The following CACNA1A variants were observed in gnomAD, a reference collection of about 807,000 sequenced individuals.
CACNA1A encodes the protein calcium voltage-gated channel subunit alpha1 A.
A neutral mutation model predicts 262.4 loss-of-function variants in CACNA1A; 57 were observed. The ratio of observed to expected loss-of-function variants is 0.22; its 90% confidence interval spans 0.18 to 0.27. The LOEUF (loss-of-function observed/expected upper bound fraction) is 0.27, where lower values mean the gene tolerates loss of function less well. Among genes scored for constraint, CACNA1A ranks in the 10% least tolerant of loss-of-function variants. The pLI is 1.00. For missense variants in CACNA1A, 2,526 were observed against 3,562.8 expected (o/e 0.71, Z 7.41); for synonymous variants, 1,431 against 1,419.3 (o/e 1.01, Z -0.18).
chr19:13,341,809 C>T (rs1485654417), intron 6 of CACNA1A, among the ~76,000 whole-genome samples: 1 of 152,136 alleles, frequency 6.6e-6, no homozygotes, highest in East Asian at 1.9e-4. Context: ...ACTTATTTCT[C>T]TTGTTCTCTC....
intron 1 of CACNA1A, among the ~76,000 whole-genome samples, chr19:13,457,217 ACTCC>A (rs1404343198): frequency 2.6e-5 from 4 of 152,060 alleles, no homozygotes; most frequent in African/African-American, 4.8e-5. Flanking sequence ...GCACCACTGC[ACTCC>A]AGCCTGGGCA....
chr19:13,253,143 G>C (rs1439511736), intron 29 of CACNA1A, 42 bp from the exon 30 acceptor site: 1 of 1,307,598 alleles, frequency 7.6e-7, no homozygotes, highest in Admixed American at 1.7e-5. Flanking sequence ...AGCGAGCAGG[G>C]GTGGGAAGTG....
Position 13,253,106 on chromosome 19 carries a change from G to A in CACNA1A, c.4756-5C>T. The A allele has an allele frequency of 6.2e-7, 1 of 1,600,512 alleles. No individual in the cohort carries two copies. The highest frequency in any genetic ancestry group is 1.1e-5 in the South Asian group (1 of 90,806). ...AGCAACAGAAGCCCCATAGAACTAG[G>A]GGAAAGAAGCAGGAGTAGCAGGGGT... On this transcript the variant is annotated splice_region_variant and splice_polypyrimidine_tract_variant and intron_variant, in intron 29 of 46. Transcript: ENST00000360228.
At chr19:13,406,501 A>G (rs1320239976) in intron 3 of CACNA1A, among the ~76,000 whole-genome samples, 3 of 117,506 alleles carry the variant, frequency 2.6e-5, no homozygotes, top group Admixed American at 1.8e-4. Flanking sequence ...ATATATATAT[A>G]TATATATATA....
chr19:13,223,493 C>A (rs2055313218), intron 38 of CACNA1A, among the ~76,000 whole-genome samples: 1 of 152,126 alleles, frequency 6.6e-6, no homozygotes, highest in Admixed American at 6.6e-5. Flanking sequence ...CGAGCCTACC[C>A]CTAGATCTAA....
At chr19:13,393,688 TTTC>T (rs199652345) in intron 3 of CACNA1A, among the ~76,000 whole-genome samples, 36,970 of 141,138 alleles carry the variant, frequency 0.26, 5,959 homozygotes, top group East Asian at 0.45. Flanking sequence ...TTTCTTTCCT[TTTC>T]TTTCTTTACC....
intron 3 of CACNA1A, among the ~76,000 whole-genome samples, chr19:13,373,560 G>A (rs185333501): frequency 8.3e-4 from 127 of 152,268 alleles, no homozygotes; most frequent in African/African-American, 2.7e-3. Flanking sequence ...CCAGTAGGAC[G>A]GAGCTCAGTT....
At chr19:13,221,237 T>TCTTTCTTTCTTTCTTTC (rs201596911) in intron 38 of CACNA1A, among the ~76,000 whole-genome samples, 4 of 48,094 alleles carry the variant, frequency 8.3e-5, no homozygotes, top group African/African-American at 2.4e-4. Context: ...TTTCTTTCTT[T>TCTTTCTTTCTTTCTTTC]TTTTTTTTTT....
intron 6 of CACNA1A, among the ~76,000 whole-genome samples, chr19:13,358,571 G>A (rs754440469): frequency 1.3e-5 from 2 of 152,158 alleles, no homozygotes; most frequent in African/African-American, 2.4e-5. Flanking sequence ...ACATAGATTC[G>A]ATTATGCTTA....
At chr19:13,208,089 A>G in intron 46 of CACNA1A, 36 bp from the exon 47 acceptor site, 16 of 1,259,200 alleles carry the variant, frequency 1.3e-5, no homozygotes, top group African/African-American at 1.6e-5. Context: ...ATCAAAAAAA[A>G]AGATACAACA....
intron 1 of CACNA1A, among the ~76,000 whole-genome samples, chr19:13,465,056 G>A (rs765862917): frequency 9.9e-5 from 15 of 151,890 alleles, no homozygotes; most frequent in Non-Finnish European, 1.8e-4. Flanking sequence ...AGCCTCCCGA[G>A]TAGCTGGGAC....
chr19:13,499,712 T>A (rs891958490), intron 1 of CACNA1A, among the ~76,000 whole-genome samples: 1 of 152,094 alleles, frequency 6.6e-6, no homozygotes, highest in Non-Finnish European at 1.5e-5. Context: ...CAAGATAACA[T>A]GGCTGGTGAA....
chr19:13,215,623 T>G (rs1369623964), intron 38 of CACNA1A, among the ~76,000 whole-genome samples: 1 of 24,110 alleles, frequency 4.1e-5, no homozygotes, highest in East Asian at 7.9e-3. Context: ...TCTGGCCTGT[T>G]TTTTTTTTTT....
At chr19:13,502,313 A>G (rs7253103) in intron 1 of CACNA1A, among the ~76,000 whole-genome samples, 110,388 of 152,144 alleles carry the variant, frequency 0.73, 41,043 homozygotes, top group African/African-American at 0.9. Flanking sequence ...TAATTCAGGC[A>G]ACTGTGCGTG....
intron 38 of CACNA1A, among the ~76,000 whole-genome samples, chr19:13,217,103 T>A (rs954383187): frequency 6.6e-6 from 1 of 152,012 alleles, no homozygotes; most frequent in Non-Finnish European, 1.5e-5. Flanking sequence ...GCCACTGCAC[T>A]CCAGCCTGGG....
chr19:13,315,947 T>TTATTA (rs1030848899), intron 11 of CACNA1A: 1 of 151,984 alleles, frequency 6.6e-6, no homozygotes, highest in African/African-American at 2.4e-5. Context: ...ACTCTTTATT[T>TTATTA]TATTTTATTT....
chr19:13,212,213 C>G lies in CACNA1A; in HGVS notation c.6193G>C (p.Val2065Leu), dbSNP rs776203885. 6.2e-7 allele frequency: 1 copy of G among 1,613,282 alleles called. No individual in the cohort carries two copies. The highest frequency in any genetic ancestry group is 8.5e-7 in the Non-Finnish European group (1 of 1,179,296). ...MPNSQPNSQS[V>L]EMREMGRDGY... ...TCTCTGCCCATCTCTCGCATCTCCA[C>G]GGACTGCGGAGCAGATGGCAAAGCC... The change falls in exon 43 of 47, where the codon GTG becomes CTG. Residue 2065 changes from valine to leucine, a missense_variant. This residue lies in a region of CACNA1A where 929 missense variants were observed against 868.1 expected (regional missense o/e 1.07). Coordinates refer to ENST00000360228, the MANE Select transcript of CACNA1A (RefSeq NM_001127222.2). The surrounding 1 kb of genome is among the most constrained non-coding windows in gnomAD (Gnocchi z 5.6).
At chr19:13,333,583 C>G (rs1042898672) in intron 8 of CACNA1A, 1 of 152,188 alleles carries the variant, frequency 6.6e-6, no homozygotes, top group Non-Finnish European at 1.5e-5. Flanking sequence ...TACAGGCGTG[C>G]GCCACCATGC....
chr19:13,479,183 C>T (rs1037583555), intron 1 of CACNA1A, among the ~76,000 whole-genome samples: 1 of 152,100 alleles, frequency 6.6e-6, no homozygotes, highest in Non-Finnish European at 1.5e-5. Context: ...TTCAACAAAA[C>T]AGAACAAAAA....
Sources: gnomAD v4.1 joint callset for allele counts (sites outside exome capture counted in the v4.1 genomes callset) on GRCh38, gnomAD v4.1.1 for gene constraint, gnomAD v4.1.1 regional missense constraint, Gnocchi (gnomAD v3.1) non-coding constraint, MANE v1.5 for transcripts, NCBI Gene and HGNC (gene_info 2026-07-23, HGNC 2026-07-21) for gene names.